Variants in UHRF1 observed in about 807,000 individuals in gnomAD.
The protein encoded by UHRF1 is ubiquitin like with PHD and ring finger domains 1, also known as E3 ubiquitin-protein ligase UHRF1.
A neutral mutation model predicts 96.5 loss-of-function variants in UHRF1; 9 were observed. That is an observed-to-expected ratio of 0.09 (90% CI 0.06 to 0.16). The LOEUF (loss-of-function observed/expected upper bound fraction) is 0.16, where lower values mean the gene tolerates loss of function less well. Among genes scored for constraint, UHRF1 ranks in the 10% least tolerant of loss-of-function variants. UHRF1 has a pLI of 1.00. For missense variants in UHRF1, 626 were observed against 1,131.1 expected (o/e 0.55, Z 6.40); for synonymous variants, 455 against 469.9 (o/e 0.97, Z 0.41).
At chr19:4,910,000 T>C in intron 1 of UHRF1, 1 of 164,508 alleles carries the variant, frequency 6.1e-6, no homozygotes, top group Non-Finnish European at 1.3e-5. Context: ...GCGCCCTGAG[T>C]TCCCCGGGAG....
chr19:4,924,622 C>T (rs879659528), intron 2 of UHRF1, among the ~76,000 whole-genome samples: 1 of 152,030 alleles, frequency 6.6e-6, no homozygotes, highest in Non-Finnish European at 1.5e-5. Context: ...TTTTCTAGAG[C>T]AGTTCTAGGT....
chr19:4,952,415 A>C (rs1392661054), intron 13 of UHRF1, among the ~76,000 whole-genome samples: 1 of 54,192 alleles, frequency 1.8e-5, no homozygotes. Context: ...TTTTTTTTGG[A>C]GACAGAGTCT....
At chr19:4,949,842 GTTTGT>G (rs1163318791) in intron 11 of UHRF1, among the ~76,000 whole-genome samples, 1 of 94,284 alleles carries the variant, frequency 1.1e-5, no homozygotes, top group East Asian at 5.9e-4. Context: ...TTCTCTTTTT[GTTTGT>G]TTTTTTTTTA....
At chr19:4,924,184 C>A (rs2032793127) in intron 2 of UHRF1, among the ~76,000 whole-genome samples, 1 of 152,078 alleles carries the variant, frequency 6.6e-6, no homozygotes. Context: ...GAGTCTCGCT[C>A]TGTCGCCCAG....
chr19:4,920,190 G>A (rs138724412), intron 2 of UHRF1, among the ~76,000 whole-genome samples: 1,965 of 152,276 alleles, frequency 0.013, 47 homozygotes, highest in African/African-American at 0.045. Flanking sequence ...TCAGCACTTC[G>A]GGAGGCTGAG....
intron 2 of UHRF1, among the ~76,000 whole-genome samples, chr19:4,924,826 GTTT>G (rs35008694): frequency 1.6e-5 from 2 of 127,300 alleles, no homozygotes; most frequent in Admixed American, 7.8e-5. Flanking sequence ...TTGGTGTTAA[GTTT>G]TTTTTTTTTT....
Position 4,911,056 on chromosome 19 carries a change from A to T in UHRF1, c.153+18A>T. The T allele has an allele frequency of 1.9e-6, 3 of 1,556,594 alleles. No homozygotes were observed. On this transcript the variant is annotated intron_variant, in intron 2 of 16. Transcript: ENST00000650932. The stretch of plus-strand genomic sequence containing the variant: ...GCAAACAGGTACACCCGCCGCCAGC[A>T]CCTTTGTTCTATGCCTGGTCCAGGC...
At chr19:4,950,796 G>A (rs752838409) in intron 12 of UHRF1, 23 bp downstream of exon 12, 28 of 1,612,968 alleles carry the variant, frequency 1.7e-5, no homozygotes, top group South Asian at 8.8e-5. Flanking sequence ...TGAGGAGGCC[G>A]GGGGCTCTGT....
At position 4,948,370 on chromosome 19, in the gene UHRF1, G is replaced by A. The variant is rs527295862; in HGVS notation, c.1517+1159G>A. Among the ~76,000 whole-genome samples, 15 of 152,230 alleles carry A rather than the reference G, an allele frequency of 9.9e-5. No homozygotes were observed. In the East Asian group the frequency reaches 2.9e-3, roughly 29 times the overall value. ...AAAGCCCAAAGGAAAAGACAGATTT[G>A]ATTATCTAAACATTATAAATATATT... On this transcript the variant is annotated intron_variant, in intron 11 of 16. Transcript: ENST00000650932.
upstream of UHRF1, among the ~76,000 whole-genome samples, chr19:4,906,179 A>G (rs1268504985): frequency 1.3e-5 from 2 of 151,994 alleles, no homozygotes; most frequent in Admixed American, 1.3e-4. Flanking sequence ...GGTTCTCACT[A>G]CGTTGCCCAA....
intron 16 of UHRF1, among the ~76,000 whole-genome samples, chr19:4,957,337 C>G (rs2033884622): frequency 8.0e-6 from 1 of 125,170 alleles, no homozygotes; most frequent in Non-Finnish European, 1.6e-5. Flanking sequence ...GAGACAGAGT[C>G]TCGCTCTGTT....
rs375548961 is a variant in UHRF1, at chr19:4,950,931, G to T, written c.1753G>T (p.Asp585Tyr). The T allele has an allele frequency of 6.2e-7, 1 of 1,613,166 alleles. No homozygotes were observed. Among genetic ancestry groups the T allele is most frequent in the South Asian group, 1.1e-5 (1 of 91,020 alleles). ...GCGCTACCTTCTGCGGAGGGACGATGATGAGCCTGGCCCTTGGACGAAGGA... is the reference window on the plus strand; with the variant it reads ...GCGCTACCTTCTGCGGAGGGACGATTATGAGCCTGGCCCTTGGACGAAGGA... ...VWRYLLRRDD[D>Y]EPGPWTKEGK... The change falls in exon 13 of 17, where the codon GAT (aspartate) becomes TAT (tyrosine). Residue 585 changes from aspartate to tyrosine, a missense_variant. Around this residue, in one of 11 missense-constraint regions of UHRF1, gnomAD observed 61 missense variants for 199.2 expected, o/e 0.31. Coordinates refer to ENST00000650932, the MANE Select transcript of UHRF1 (RefSeq NM_001048201.3).
chr19:4,916,716 TTC>T (rs1374411570), intron 2 of UHRF1, among the ~76,000 whole-genome samples: 1 of 152,192 alleles, frequency 6.6e-6, no homozygotes, highest in African/African-American at 2.4e-5. Flanking sequence ...CCTTCCTCCC[TTC>T]TCTCCCTCCG....
chr19:4,931,015 G>C (rs780168059), intron 4 of UHRF1, 139 bp downstream of exon 4: 13 of 1,173,150 alleles, frequency 1.1e-5, no homozygotes, highest in Non-Finnish European at 1.4e-5. Flanking sequence ...ATTCCTAACA[G>C]CATACGAGGC....
intron 2 of UHRF1, among the ~76,000 whole-genome samples, chr19:4,915,172 T>A (rs2032443997): frequency 6.6e-6 from 1 of 152,210 alleles, no homozygotes; most frequent in Non-Finnish European, 1.5e-5. Context: ...AAGAGTCACT[T>A]GTCACAGTGA....
At chr19:4,926,786 C>T (rs985709132) in intron 2 of UHRF1, among the ~76,000 whole-genome samples, 9 of 151,534 alleles carry the variant, frequency 5.9e-5, no homozygotes, top group Non-Finnish European at 1.0e-4. Context: ...AAAAAAAGTC[C>T]GGGTGCAGTG....
intron 16 of UHRF1, among the ~76,000 whole-genome samples, chr19:4,959,597 T>G (rs2033940187): frequency 6.6e-6 from 1 of 152,262 alleles, no homozygotes; most frequent in Admixed American, 6.5e-5. Context: ...CTCCTGGCTT[T>G]CTTCCCCAGG....
intron 5 of UHRF1, among the ~76,000 whole-genome samples, chr19:4,935,369 C>A (rs958411480): frequency 1.1e-4 from 17 of 152,186 alleles, no homozygotes; most frequent in Admixed American, 3.3e-4. Context: ...ATTGTGAGGC[C>A]TCCCCAGCCA....
chr19:4,952,393 CTTTTTTTTT>C (rs150183272), intron 13 of UHRF1, among the ~76,000 whole-genome samples: 2 of 82,528 alleles, frequency 2.4e-5, no homozygotes, highest in East Asian at 3.6e-4. Flanking sequence ...CGCTCCCAGC[CTTTTTTTTT>C]TTTTTTTTTT....
Sources: gnomAD v4.1 joint callset for allele counts (sites outside exome capture counted in the v4.1 genomes callset) on GRCh38, gnomAD v4.1.1 for gene constraint, gnomAD v4.1.1 regional missense constraint, MANE v1.5 for transcripts, NCBI Gene and HGNC (gene_info 2026-07-23, HGNC 2026-07-21) for gene names.